Variants in GNAL observed in about 807,000 individuals in gnomAD.
GNAL encodes G protein subunit alpha L.
A neutral mutation model predicts 55.1 loss-of-function variants in GNAL; 18 were observed. That is an observed-to-expected ratio of 0.33 (90% CI 0.23 to 0.48). The LOEUF (loss-of-function observed/expected upper bound fraction) is 0.48. Among genes scored for constraint, GNAL ranks in the 20% least tolerant of loss-of-function variants. The pLI, the probability that GNAL is intolerant of heterozygous loss-of-function variation, is 0.99. For missense variants in GNAL, 412 were observed against 614.1 expected, an observed-to-expected ratio of 0.67 and a Z score of 3.48; for synonymous variants, 253 against 237.0, an observed-to-expected ratio of 1.07 and a Z score of -0.62.
chr18:11,759,716 C>T (rs2033176891), intron 4 of GNAL, among the ~76,000 whole-genome samples: 1 of 152,244 alleles, frequency 6.6e-6, no homozygotes, highest in Non-Finnish European at 1.5e-5. Flanking sequence ...CGGTGCCCAG[C>T]CCAGGGAGTG....
At chr18:11,724,992 G>C (rs2032181252) in intron 1 of GNAL, among the ~76,000 whole-genome samples, 1 of 152,180 alleles carries the variant, frequency 6.6e-6, no homozygotes, top group Non-Finnish European at 1.5e-5. Flanking sequence ...GGGGTCTGCT[G>C]GGTCATATGG....
chr18:11,792,193 C>T (rs1044648937), intron 4 of GNAL, among the ~76,000 whole-genome samples: 5 of 151,964 alleles, frequency 3.3e-5, no homozygotes, highest in Admixed American at 3.3e-4. Flanking sequence ...CCTTCCTTCC[C>T]TCCCTTCCTT....
chr18:11,872,429 A>C, intron 10 of GNAL, 31 bp downstream of exon 10: 1 of 1,414,022 alleles, frequency 7.1e-7, no homozygotes, highest in Non-Finnish European at 9.8e-7. Context: ...CTTATGATTG[A>C]GGAATAGAAT....
chr18:11,829,158 T>G (rs1302556252), intron 5 of GNAL, among the ~76,000 whole-genome samples: 1 of 152,232 alleles, frequency 6.6e-6, no homozygotes, highest in East Asian at 1.9e-4. Context: ...CCTTCTAGGC[T>G]TGTCAGGAAT....
At chr18:11,851,215 T>C (rs2035850899) in intron 5 of GNAL, among the ~76,000 whole-genome samples, 1 of 152,154 alleles carries the variant, frequency 6.6e-6, no homozygotes, top group Admixed American at 6.5e-5. Context: ...AAAAACCGGG[T>C]AGAACGCAGC....
chr18:11,792,331 G>A (rs545949557), intron 4 of GNAL, among the ~76,000 whole-genome samples: 4 of 152,178 alleles, frequency 2.6e-5, no homozygotes, highest in South Asian at 4.1e-4. Flanking sequence ...GACTACAGGC[G>A]CACACCACCG....
At chr18:11,779,060 C>T (rs1262070248) in intron 4 of GNAL, among the ~76,000 whole-genome samples, 1 of 152,066 alleles carries the variant, frequency 6.6e-6, no homozygotes, top group African/African-American at 2.4e-5. Context: ...ATTGTGGAAA[C>T]TGTGAAAAGA....
intron 9 of GNAL, among the ~76,000 whole-genome samples, chr18:11,870,999 T>A (rs945374122): frequency 1.3e-5 from 2 of 152,198 alleles, no homozygotes; most frequent in Non-Finnish European, 2.9e-5. Context: ...GACCACAATC[T>A]TCTTATAGGA....
At chr18:11,726,674 G>A (rs2143423946) in intron 1 of GNAL, among the ~76,000 whole-genome samples, 1 of 152,260 alleles carries the variant, frequency 6.6e-6, no homozygotes, top group South Asian at 2.1e-4. Flanking sequence ...CTTTCAGCAT[G>A]GAGCTGCTGT....
chr18:11,884,249 GT>G lies in GNAL; in HGVS notation c.*3115del. 2 of 572,952 alleles carry G rather than the reference GT, an allele frequency of 3.5e-6. No individual in the cohort carries two copies. Among genetic ancestry groups the G allele is most frequent in the Non-Finnish European group, 6.2e-6 (2 of 322,710 alleles). The allele number at this position is 572,952 out of a possible 1,614,324, so 35.5% of individuals were successfully genotyped here. On this transcript the variant is annotated 3_prime_UTR_variant, in exon 12 of 12. Coordinates refer to ENST00000334049, the MANE Select transcript of GNAL (RefSeq NM_182978.4). ...AATGAGAAAACAGATTTGTTGTAGA[GT>G]ACCTGTCCACTTTTATAGCATGAGA...
intron 1 of GNAL, among the ~76,000 whole-genome samples, chr18:11,690,199 C>T (rs1170059135): frequency 6.6e-6 from 1 of 152,160 alleles, no homozygotes; most frequent in East Asian, 1.9e-4. Context: ...AGCTTACTGC[C>T]GCTCGCTCTC....
At chr18:11,880,871 T>C in intron 11 of GNAL, 118 bp from the exon 12 acceptor site, 1 of 1,057,254 alleles carries the variant, frequency 9.5e-7, no homozygotes, top group Non-Finnish European at 1.4e-6. Context: ...AGTGCTCCCA[T>C]GCAAAACAAG....
At chr18:11,763,229 A>G (rs2052660) in intron 4 of GNAL, among the ~76,000 whole-genome samples, 51,669 of 151,986 alleles carry the variant, frequency 0.34, 9,759 homozygotes, top group African/African-American at 0.51. Flanking sequence ...GGCCACATTC[A>G]TGCTCTCACT....
chr18:11,885,453 T>C lies in GNAL; in HGVS notation c.*4318T>C, dbSNP rs2037062556. On this transcript the variant is annotated 3_prime_UTR_variant, in exon 12 of 12. Coordinates refer to ENST00000334049, the MANE Select transcript of GNAL (RefSeq NM_182978.4). ...TGAAGGATAAAGTCCACCTGGACGG[T>C]GCCCTGCCCTCGCTTCTCACATTAA... 4 of 562,330 alleles carry C rather than the reference T, an allele frequency of 7.1e-6. No homozygotes were observed. Among genetic ancestry groups the C allele is most frequent in the African/African-American group, 1.9e-5 (1 of 53,108 alleles). 34.8% of individuals were successfully genotyped at this position (562,330 alleles called of 1,614,324 possible).
At chr18:11,731,749 G>A (rs553920981) in intron 1 of GNAL, among the ~76,000 whole-genome samples, 6 of 152,260 alleles carry the variant, frequency 3.9e-5, no homozygotes, top group Admixed American at 2.0e-4. Flanking sequence ...CATCACCACC[G>A]TCCTTGGGAG....
chr18:11,753,047 A>G (rs868789844), intron 2 of GNAL, 122 bp downstream of exon 2: 6 of 592,406 alleles, frequency 1.0e-5, no homozygotes, highest in Admixed American at 2.8e-5. Context: ...TTCAAGGGGG[A>G]AAAAATTAGA....
chr18:11,880,007 C>T (rs1210378300), intron 11 of GNAL, among the ~76,000 whole-genome samples: 2 of 151,476 alleles, frequency 1.3e-5, no homozygotes, highest in Non-Finnish European at 3.0e-5. Context: ...GCCTGTAATC[C>T]CAGCACTTTG....
chr18:11,855,713 C>T (rs1156948680), intron 5 of GNAL, among the ~76,000 whole-genome samples: 1 of 152,170 alleles, frequency 6.6e-6, no homozygotes, highest in African/African-American at 2.4e-5. Flanking sequence ...TGGCTCACGC[C>T]TGTAATCCCA....
At chr18:11,859,332 A>G (rs2036077396) in intron 5 of GNAL, among the ~76,000 whole-genome samples, 1 of 152,152 alleles carries the variant, frequency 6.6e-6, no homozygotes, top group South Asian at 2.1e-4. Context: ...CCCCGGCAGA[A>G]ACTTCTCCTA....
Sources: allele counts gnomAD v4.1 joint callset (sites outside exome capture counted in the v4.1 genomes callset), GRCh38; gene constraint gnomAD v4.1.1; transcripts MANE v1.5; gene names NCBI Gene and HGNC (gene_info 2026-07-23, HGNC 2026-07-21).